Variants in VWF observed in about 807,000 individuals in gnomAD.
The protein encoded by VWF is Factor VIII related antigen.
In VWF, 176 loss-of-function variants were observed where a neutral mutation model predicts 308.6. The observed-to-expected ratio is 0.57, with a 90% CI of 0.50 to 0.65. The LOEUF is 0.65. Among genes scored for constraint, VWF ranks in the 30% least tolerant of loss-of-function variants. The pLI is 0.00. For missense variants in VWF, 3,146 were observed against 3,648.2 expected (o/e 0.86, Z 3.55); for synonymous variants, 1,385 against 1,443.4 (o/e 0.96, Z 0.92).
At chr12:6,052,419 T>C (rs1944525557) in intron 16 of VWF, 124 bp downstream of exon 16, 2 of 1,463,250 alleles carry the variant, frequency 1.4e-6, no homozygotes, top group Non-Finnish European at 1.9e-6. Flanking sequence ...TGTACAGTTC[T>C]GGACAAGTCA....
intron 18 of VWF, among the ~76,000 whole-genome samples, chr12:6,043,523 G>A (rs1944414291): frequency 6.7e-6 from 1 of 149,736 alleles, no homozygotes; most frequent in South Asian, 2.1e-4. Flanking sequence ...CATTTTGAAA[G>A]AGAAACATCT....
intron 18 of VWF, among the ~76,000 whole-genome samples, chr12:6,042,220 C>T (rs1447132639): frequency 6.6e-6 from 1 of 152,114 alleles, no homozygotes; most frequent in African/African-American, 2.4e-5. Flanking sequence ...AGATCTGCCC[C>T]CGGGAAAAAG....
intron 47 of VWF, among the ~76,000 whole-genome samples, chr12:5,964,030 A>T (rs1002646177): frequency 2.0e-5 from 3 of 151,868 alleles, no homozygotes; most frequent in African/African-American, 4.8e-5. Flanking sequence ...ACACGGTGAA[A>T]CCCCGTCTCT....
chr12:6,095,225 A>G lies in VWF; in HGVS notation c.657+235T>C. The G allele has an allele frequency of 5.1e-6, 3 of 589,084 alleles. No individual in the cohort carries two copies. In the South Asian group the frequency reaches 5.4e-5, roughly 11 times the overall value. 36.5% of individuals were successfully genotyped at this position (589,084 alleles called of 1,614,324 possible). ...AATTACCCAGTCTCAGGCATTTGTT[A>G]TAGCAGCACAAATGGACTGAGACAC... On this transcript the variant is annotated intron_variant, in intron 6 of 51. Coordinates refer to ENST00000261405, the MANE Select transcript of VWF (RefSeq NM_000552.5).
At chr12:6,034,295 A>C (rs1944308059) in intron 20 of VWF, among the ~76,000 whole-genome samples, 1 of 152,214 alleles carries the variant, frequency 6.6e-6, no homozygotes, top group South Asian at 2.1e-4. Context: ...AGGGAGGCTG[A>C]GCGGGACTGA....
chr12:6,016,860 C>A lies in VWF; in HGVS notation c.5064G>T (p.Gln1688His). ...CCAGGAGAAGGATCACGTCCAGGGG[C>A]TGGCTGCAGTCTGCAAAGACAACCA... ...PTLSPAPDCS[Q>H]PLDVILLLDG... Residue 1688 changes from glutamine to histidine, a missense_variant, in exon 29 of 52, where the codon CAG becomes CAT. Physicochemically the swap from Gln to His is conservative, Grantham distance 24. Coordinates refer to ENST00000261405, the MANE Select transcript of VWF (RefSeq NM_000552.5). 1 of 1,614,008 alleles carries A rather than the reference C, an allele frequency of 6.2e-7. No homozygotes were observed. The highest frequency in any genetic ancestry group is 8.5e-7 in the Non-Finnish European group (1 of 1,179,960).
chr12:5,983,674 G>A (rs550206528), intron 40 of VWF, among the ~76,000 whole-genome samples: 1 of 149,496 alleles, frequency 6.7e-6, no homozygotes, highest in African/African-American at 2.4e-5. Flanking sequence ...AGATAGGATA[G>A]ATGATAGATA....
chr12:6,019,970 G>T lies in VWF; in HGVS notation c.3675-227C>A, dbSNP rs534530984. Among the ~76,000 whole-genome samples the T allele has an allele frequency of 1.3e-5, 2 of 152,210 alleles. No individual in the cohort carries two copies. The highest frequency in any genetic ancestry group is 4.2e-4 in the South Asian group (2 of 4,816). On this transcript the variant is annotated intron_variant, in intron 27 of 51. Transcript: ENST00000261405. The surrounding 1 kb of genome is among the most constrained non-coding windows in gnomAD (Gnocchi z 5.8). ...AACACACACATAGCCGACTTCCTTTGATTCTAGAAACCAAAGCTTTAGCCC... is the reference window on the plus strand; with the variant it reads ...AACACACACATAGCCGACTTCCTTTTATTCTAGAAACCAAAGCTTTAGCCC...
chr12:6,066,413 T>C (rs7955850), intron 10 of VWF, among the ~76,000 whole-genome samples: 1 of 152,078 alleles, frequency 6.6e-6, no homozygotes, highest in Non-Finnish European at 1.5e-5. Context: ...GAAATATATA[T>C]AGAGAGAGAC....
Position 6,057,031 on chromosome 12 carries a change from T to C in VWF, c.1771A>G (p.Thr591Ala). The change falls in exon 15 of 52, where the codon ACA (threonine) becomes GCA (alanine). Residue 591 changes from threonine (T) to alanine (A), a missense_variant. Physicochemically the swap from Thr to Ala is moderately conservative, Grantham distance 58. Coordinates refer to ENST00000261405, the MANE Select transcript of VWF (RefSeq NM_000552.5). The stretch of plus-strand genomic sequence containing the variant: ...ACGGCACGATGGCAGGCCTCGAATG[T>C]GGGGGACGTCAGGACCGCGCACGCC... ...EEACAVLTSP[T>A]FEACHRAVSP... 6.5e-7 allele frequency: 1 copy of C among 1,548,822 alleles called. No homozygotes were observed. Among genetic ancestry groups the C allele is most frequent in the Non-Finnish European group, 8.7e-7 (1 of 1,152,898 alleles).
rs142861582 is a variant in VWF, at chr12:6,029,470, T to G, written c.2839A>C (p.Met947Leu). 6.2e-7 allele frequency: 1 copy of G among 1,614,100 alleles called. No individual in the cohort carries two copies. Among genetic ancestry groups the G allele is most frequent in the Non-Finnish European group, 8.5e-7 (1 of 1,180,000 alleles). ...ACCTCAAAGTGAGTCTCATCCTTCA[T>G]GGGCCTCTTCACATTCACCTGGAGG... Reference protein sequence around the residue: ...FDGEVNVKRPMKDETHFEVVE... With the variant: ...FDGEVNVKRPLKDETHFEVVE... The change falls in exon 22 of 52, where the codon ATG becomes CTG. Residue 947 changes from methionine to leucine, a missense_variant. Physicochemically the swap from Met to Leu is conservative, Grantham distance 15. This residue lies in a region of VWF where 1,304 missense variants were observed against 1,353.0 expected (regional missense o/e 0.96). Transcript: ENST00000261405.
rs1296832147 is a variant in VWF at position 6,117,433 on chromosome 12, CCT to C, written c.220+3739_220+3740del. On this transcript the variant is annotated intron_variant, in intron 3 of 51. Transcript: ENST00000261405. ...GGAAATGCCTGGGGGCCCAGCAGCC[CCT>C]GTCTCTGCATGGCGATTCCAAGTGA... is the stretch of plus-strand genomic sequence containing the variant. Among the ~76,000 whole-genome samples, 7 of 152,336 alleles carry C rather than the reference CCT, an allele frequency of 4.6e-5. No individual in the cohort carries two copies. The South Asian group carries it at 6.2e-4, about 14-fold the overall frequency.
intron 5 of VWF, among the ~76,000 whole-genome samples, chr12:6,099,547 A>T (rs1159274136): frequency 1.3e-5 from 2 of 152,170 alleles, no homozygotes; most frequent in East Asian, 3.8e-4. Context: ...ATGAAACATG[A>T]TGAAACAGTC....
chr12:5,951,210 T>G (rs959778471), intron 50 of VWF, among the ~76,000 whole-genome samples: 1 of 152,182 alleles, frequency 6.6e-6, no homozygotes, highest in Admixed American at 6.5e-5. Context: ...CACTGTCTGA[T>G]GTGCAGATTT....
chr12:6,123,839 C>T (rs989627692), intron 1 of VWF, among the ~76,000 whole-genome samples: 4 of 152,136 alleles, frequency 2.6e-5, no homozygotes, highest in African/African-American at 4.8e-5. Context: ...CAGACTTCCC[C>T]ACTGTGTGAC....
intron 31 of VWF, among the ~76,000 whole-genome samples, chr12:6,014,925 TC>T (rs1220816808): frequency 1.3e-5 from 2 of 152,214 alleles, no homozygotes; most frequent in African/African-American, 4.8e-5. Flanking sequence ...CTGCTTTCTT[TC>T]CCAGTGAAAA....
chr12:6,021,206 C>T (rs963865183), intron 27 of VWF: 2 of 152,512 alleles, frequency 1.3e-5, no homozygotes, highest in South Asian at 2.1e-4. Context: ...CCCTCCCCAG[C>T]GAATTTACGT....
chr12:5,982,863 T>C (rs1015517124), intron 41 of VWF, among the ~76,000 whole-genome samples: 14 of 152,148 alleles, frequency 9.2e-5, no homozygotes, highest in African/African-American at 3.4e-4. Flanking sequence ...AAATAAAGAT[T>C]AGATTCGGAG....
In VWF at chr12:5,969,373, A is replaced by G; in HGVS notation, c.7567T>C (p.Ser2523Pro). ...TTGATGAGGCAGGGGTTCTCCGGGG[A>G]GGCCCACTGGGAGCCGACCTGCAGG... The part of the protein sequence containing the change: ...SWKSVGSQWA[S>P]PENPCLINEC... The change falls in exon 45 of 52, where the codon TCC becomes CCC. Residue 2523 changes from serine (S) to proline (P), a missense_variant. Transcript: ENST00000261405. The G allele has an allele frequency of 1.2e-6, 2 of 1,614,172 alleles. No homozygotes were observed. The highest frequency in any genetic ancestry group is 1.7e-6 in the Non-Finnish European group (2 of 1,180,012).
Sources: gnomAD v4.1 joint callset for allele counts (sites outside exome capture counted in the v4.1 genomes callset) on GRCh38, gnomAD v4.1.1 for gene constraint, gnomAD v4.1.1 regional missense constraint, Gnocchi (gnomAD v3.1) non-coding constraint, MANE v1.5 for transcripts, NCBI Gene and HGNC (gene_info 2026-07-23, HGNC 2026-07-21) for gene names.